CACNA2D2: variants seen among roughly 807,000 people sequenced by gnomAD.
CACNA2D2 encodes voltage-dependent calcium channel subunit alpha-2/delta-2.
CACNA2D2 carries 48 observed loss-of-function variants against 166.4 expected under a neutral mutation model. The observed-to-expected ratio is 0.29, with a 90% CI of 0.23 to 0.37. The LOEUF is 0.37. Ranked by LOEUF, CACNA2D2 falls within the 10% of genes least tolerant of loss-of-function variation. CACNA2D2 has a pLI of 1.00. For missense variants in CACNA2D2, 1,122 were observed against 1,433.0 expected (o/e 0.78, Z 3.50); for synonymous variants, 561 against 573.7 (o/e 0.98, Z 0.32).
Position 50,370,998 on chromosome 3 carries a change from G to A in CACNA2D2, c.1985-618C>T, listed in dbSNP as rs147611392. On this transcript the variant is annotated intron_variant, in intron 22 of 37. Coordinates refer to ENST00000424201, the MANE Select transcript of CACNA2D2 (RefSeq NM_006030.4). ...CAAACAGTCCAACCAGAGACGGGTC[G>A]GGGCAGCTGAGGGTTCACTGCAGTG... Among the ~76,000 whole-genome samples, 13 of 152,174 alleles carry A rather than the reference G, an allele frequency of 8.5e-5. No individual in the cohort carries two copies. In the East Asian group the frequency reaches 1.9e-3, roughly 23 times the overall value.
At chr3:50,377,342 C>G in intron 17 of CACNA2D2, 125 bp downstream of exon 17, 1 of 757,302 alleles carries the variant, frequency 1.3e-6, no homozygotes, top group East Asian at 2.7e-5. Context: ...CCTGGGGAAG[C>G]CTTCCCCGAC....
Position 50,375,114 on chromosome 3 carries a change from G to A in CACNA2D2, c.1908-301C>T, listed in dbSNP as rs1704902956. ...CCCCCTGCCCAGCCAACCTCCCTCT[G>A]ACCCACAAGGGGCAGACGCTGCCGT... is the stretch of plus-strand genomic sequence containing the variant. On this transcript the variant is annotated intron_variant, in intron 21 of 37. Coordinates refer to ENST00000424201, the MANE Select transcript of CACNA2D2 (RefSeq NM_006030.4). This position sits in a 1 kb window ranked among gnomAD's most constrained non-coding sequence, Gnocchi z 4.0. Among the ~76,000 whole-genome samples, 1 of 152,174 alleles carries A rather than the reference G, an allele frequency of 6.6e-6. No individual in the cohort carries two copies. The highest frequency in any genetic ancestry group is 2.4e-5 in the African/African-American group (1 of 41,436).
At chr3:50,410,482 G>GGT (rs1706952294) in intron 3 of CACNA2D2, among the ~76,000 whole-genome samples, 1 of 93,812 alleles carries the variant, frequency 1.1e-5, no homozygotes, top group Non-Finnish European at 2.2e-5. Context: ...CCCTGGGATG[G>GGT]GGGGGGGGGT....
Position 50,364,499 on chromosome 3 carries a change from T to G in CACNA2D2, c.*167A>C. ...TGCCAAACACCTGCGGCGTCCCGCTTTGGGACTCCCCATCCCAAGGCGCAG... is the reference window on the plus strand; with the variant it reads ...TGCCAAACACCTGCGGCGTCCCGCTGTGGGACTCCCCATCCCAAGGCGCAG... On this transcript the variant is annotated 3_prime_UTR_variant, in exon 38 of 38. Transcript: ENST00000424201. 6 of 791,162 alleles carry G rather than the reference T, an allele frequency of 7.6e-6. No individual in the cohort carries two copies. Among genetic ancestry groups the G allele is most frequent in the Non-Finnish European group, 9.7e-6 (5 of 516,816 alleles). 49.0% of individuals were successfully genotyped at this position (791,162 alleles called of 1,614,324 possible). A position where few individuals can be genotyped will look rare whatever the true frequency, so the allele number is the denominator to read the frequency against.
At chr3:50,463,522 A>G (rs1709685066) in intron 2 of CACNA2D2, among the ~76,000 whole-genome samples, 1 of 152,166 alleles carries the variant, frequency 6.6e-6, no homozygotes, top group Admixed American at 6.5e-5. Flanking sequence ...GGTCTCCCCC[A>G]GAGTCTATGC....
chr3:50,423,474 C>T (rs932943884), intron 3 of CACNA2D2, among the ~76,000 whole-genome samples: 4 of 152,242 alleles, frequency 2.6e-5, no homozygotes, highest in African/African-American at 9.6e-5. Context: ...CCTAGGGCTG[C>T]CCCTGCTGGT....
In CACNA2D2 at chr3:50,366,863, T is replaced by C; in HGVS notation, c.2557A>G (p.Ser853Gly). 6.2e-7 allele frequency: 1 copy of C among 1,613,538 alleles called. No individual in the cohort carries two copies. The highest frequency in any genetic ancestry group is 1.1e-5 in the South Asian group (1 of 91,076). Reference protein sequence around the residue: ...AWAEKFKVLASNRTHQDQPQK... With the variant: ...AWAEKFKVLAGNRTHQDQPQK... Reference sequence around the variant, plus strand: ...GGCTGGTCTTGGTGGGTACGGTTGCTGGCTAGCACCTTGAACTTCTCAGCC... The same window carrying C: ...GGCTGGTCTTGGTGGGTACGGTTGCCGGCTAGCACCTTGAACTTCTCAGCC... Residue 853 changes from serine (S) to glycine (G), a missense_variant, in exon 29 of 38, where the codon AGC (serine) becomes GGC (glycine). Transcript: ENST00000424201. The surrounding 1 kb of genome is among the most constrained non-coding windows in gnomAD (Gnocchi z 5.9).
At position 50,365,175 on chromosome 3, in the gene CACNA2D2, G is replaced by A. The variant is rs1704171014; in HGVS notation, c.3108C>T (p.His1036=). The stretch of plus-strand genomic sequence containing the variant: ...GATTGGTGTTGGTCAGTCTCTGCGC[G>A]TGGAACAGCCTGCGGGCAGCCCGGA... ...IDCGNCSRLF[H]AQRLTNTNLL... is the part of the protein sequence containing the mutation. The change falls in exon 36 of 38, where the codon CAC becomes CAT. Residue 1036 remains histidine, a synonymous_variant. Coordinates refer to ENST00000424201, the MANE Select transcript of CACNA2D2 (RefSeq NM_006030.4). The surrounding 1 kb of genome is among the most constrained non-coding windows in gnomAD (Gnocchi z 4.5). The A allele has an allele frequency of 1.2e-6, 2 of 1,611,966 alleles. No homozygotes were observed. Among genetic ancestry groups the A allele is most frequent in the African/African-American group, 1.3e-5 (1 of 74,878 alleles).
chr3:50,447,285 A>C (rs903694857), intron 2 of CACNA2D2, among the ~76,000 whole-genome samples: 5 of 152,176 alleles, frequency 3.3e-5, no homozygotes, highest in African/African-American at 1.2e-4. Flanking sequence ...ATGCAGTGTG[A>C]CCTTGTCTCC....
intron 1 of CACNA2D2, among the ~76,000 whole-genome samples, chr3:50,500,656 GTGCACATACA>G (rs1222907003): frequency 1.3e-5 from 2 of 152,118 alleles, no homozygotes; most frequent in Admixed American, 1.3e-4. Context: ...AGCCGGACAA[GTGCACATACA>G]TGTGCATACA....
intron 3 of CACNA2D2, among the ~76,000 whole-genome samples, chr3:50,403,038 C>A (rs1185451664): frequency 2.8e-4 from 43 of 152,202 alleles, no homozygotes; most frequent in Admixed American, 2.8e-3. Flanking sequence ...CAGTGCCCTC[C>A]TCCCTTGTCC....
chr3:50,461,745 C>CAAAAAAA (rs561980044), intron 2 of CACNA2D2, among the ~76,000 whole-genome samples: 1 of 40,582 alleles, frequency 2.5e-5, no homozygotes, highest in African/African-American at 9.1e-5. Flanking sequence ...TGGGGAGTCT[C>CAAAAAAA]AAAAAAAAAA....
intron 3 of CACNA2D2, among the ~76,000 whole-genome samples, chr3:50,417,702 G>A (rs1166923741): frequency 6.6e-6 from 1 of 152,170 alleles, no homozygotes; most frequent in Non-Finnish European, 1.5e-5. Flanking sequence ...TGTGGATGTG[G>A]GGAGGGCACC....
At chr3:50,439,773 G>A (rs1708504170) in intron 2 of CACNA2D2, among the ~76,000 whole-genome samples, 1 of 152,232 alleles carries the variant, frequency 6.6e-6, no homozygotes. Context: ...ACTCATGTCA[G>A]GGATGTTGGG....
At chr3:50,397,426 G>A (rs936720235) in intron 3 of CACNA2D2, among the ~76,000 whole-genome samples, 2 of 152,222 alleles carry the variant, frequency 1.3e-5, no homozygotes, top group Non-Finnish European at 2.9e-5. Flanking sequence ...CGGCCACAAG[G>A]TCCCATCAGG....
rs571167189 is a variant in CACNA2D2 at position 50,426,183 on chromosome 3, C to T, written c.405+8130G>A. On this transcript the variant is annotated intron_variant, in intron 3 of 37. Coordinates refer to ENST00000424201, the MANE Select transcript of CACNA2D2 (RefSeq NM_006030.4). ...TGACGTTGCCTCACCCAGGCAGTGA[C>T]CAGGGTTGACATCTAGTCTCCGACT... 2.0e-4 allele frequency among the ~76,000 whole-genome samples: 30 copies of T among 152,340 alleles called. No homozygotes were observed. In the South Asian group the frequency reaches 6.2e-3, roughly 32 times the overall value.
chr3:50,484,880 G>C (rs1698212614), intron 1 of CACNA2D2, among the ~76,000 whole-genome samples: 1 of 152,262 alleles, frequency 6.6e-6, no homozygotes, highest in Non-Finnish European at 1.5e-5. Context: ...TGTCCAGCTT[G>C]TGTGTGGCCG....
At chr3:50,449,513 G>A (rs1180816172) in intron 2 of CACNA2D2, among the ~76,000 whole-genome samples, 1 of 152,180 alleles carries the variant, frequency 6.6e-6, no homozygotes, top group Non-Finnish European at 1.5e-5. Context: ...AGGGGTAGTG[G>A]TTGGGACTAG....
intron 3 of CACNA2D2, among the ~76,000 whole-genome samples, chr3:50,419,521 A>C (rs570732102): frequency 6.6e-6 from 1 of 152,320 alleles, no homozygotes; most frequent in African/African-American, 2.4e-5. Context: ...CTTGATGAAT[A>C]ACCCTGTGGG....
Sources: allele counts gnomAD v4.1 joint callset (sites outside exome capture counted in the v4.1 genomes callset), GRCh38; gene constraint gnomAD v4.1.1; non-coding constraint Gnocchi (gnomAD v3.1); transcripts MANE v1.5; gene names NCBI Gene and HGNC (gene_info 2026-07-23, HGNC 2026-07-21).